The following ZNF654 variants were observed in gnomAD, a reference collection of about 807,000 sequenced individuals.
ZNF654 encodes the protein zinc finger protein 654, also known as melanoma-associated antigen.
ZNF654 carries 19 observed loss-of-function variants against 95.3 expected under a neutral mutation model. The ratio of observed to expected loss-of-function variants is 0.20; its 90% CI spans 0.14 to 0.29. ZNF654 has a LOEUF of 0.29. Among genes scored for constraint, ZNF654 ranks in the 10% least tolerant of loss-of-function variants. The pLI is 1.00. For synonymous variants in ZNF654, 413 were observed against 457.9 expected (o/e 0.90, Z 1.25); for missense variants, 1,046 against 1,341.0 (o/e 0.78, Z 3.44).
At chr3:88,086,524 A>T in intron 2 of ZNF654, 122 bp downstream of exon 2, 8 of 900,230 alleles carry the variant, frequency 8.9e-6, no homozygotes, top group Non-Finnish European at 1.2e-5. Context: ...AGAAATGTTT[A>T]TTTTTTTCAC....
chr3:88,115,500 C>T (rs1234160802), intron 3 of ZNF654, among the ~76,000 whole-genome samples: 1 of 152,138 alleles, frequency 6.6e-6, no homozygotes, highest in African/African-American at 2.4e-5. Flanking sequence ...GCAGTAGAGC[C>T]TGTCTGGTGA....
chr3:88,109,284 C>A (rs1704944454), intron 2 of ZNF654, among the ~76,000 whole-genome samples: 1 of 151,934 alleles, frequency 6.6e-6, no homozygotes, highest in African/African-American at 2.4e-5. Context: ...CAACGTTACC[C>A]ACAATCAAAT....
At chr3:88,110,804 T>C (rs1169048428) in intron 2 of ZNF654, among the ~76,000 whole-genome samples, 6 of 152,168 alleles carry the variant, frequency 3.9e-5, no homozygotes, top group Non-Finnish European at 8.8e-5. Flanking sequence ...CAGATTCTTA[T>C]AGTAATTTCA....
At chr3:88,116,622 G>A (rs1705422692) in intron 3 of ZNF654, among the ~76,000 whole-genome samples, 1 of 151,706 alleles carries the variant, frequency 6.6e-6, no homozygotes, top group African/African-American at 2.4e-5. Flanking sequence ...TTGTGTGTGT[G>A]TGTGTATATA....
At chr3:88,137,068 G>A (rs575533394) in intron 7 of ZNF654, among the ~76,000 whole-genome samples, 24 of 151,932 alleles carry the variant, frequency 1.6e-4, no homozygotes, top group Non-Finnish European at 1.6e-4. Flanking sequence ...GGTGGCTCAC[G>A]CCTGTAGTCC....
chr3:88,139,059 T>C lies in ZNF654; in HGVS notation c.1390T>C (p.Leu464=), dbSNP rs1417958517. 3.2e-6 allele frequency: 4 copies of C among 1,261,240 alleles called. No homozygotes were observed. Among genetic ancestry groups the C allele is most frequent in the Non-Finnish European group, 4.0e-6 (4 of 1,006,070 alleles). 78.1% of individuals were successfully genotyped at this position (1,261,240 alleles called of 1,614,324 possible). ...FVMIKKNCVA[L]LSDKSAVRFL... ...AATGATTAAGAAAAACTGTGTAGCA[T>C]TATTGAGTGATAAATCAGCAGTTAG... Residue 464 remains leucine (L), a synonymous_variant, in exon 8 of 9, where the codon TTA becomes CTA. Transcript: ENST00000636215.
chr3:88,101,630 T>G (rs1435836443), intron 2 of ZNF654, among the ~76,000 whole-genome samples: 1 of 152,176 alleles, frequency 6.6e-6, no homozygotes, highest in East Asian at 1.9e-4. Flanking sequence ...TTTTGGGCTA[T>G]AAACATTTCT....
chr3:88,074,810 C>G (rs1045815243), intron 1 of ZNF654, among the ~76,000 whole-genome samples: 1 of 152,124 alleles, frequency 6.6e-6, no homozygotes, highest in African/African-American at 2.4e-5. Context: ...ATCAGAAGGA[C>G]GATGGATGCA....
intron 2 of ZNF654, among the ~76,000 whole-genome samples, chr3:88,102,648 C>G (rs922408619): frequency 3.3e-5 from 5 of 152,020 alleles, no homozygotes; most frequent in African/African-American, 4.8e-5. Flanking sequence ...TAGAATAGTG[C>G]AAGAATTTGA....
At chr3:88,084,293 G>T (rs939501978) in intron 1 of ZNF654, among the ~76,000 whole-genome samples, 1 of 152,168 alleles carries the variant, frequency 6.6e-6, no homozygotes, top group Non-Finnish European at 1.5e-5. Flanking sequence ...AGATAAGGTT[G>T]CAAGTAAACA....
Position 88,139,832 on chromosome 3 carries a change from T to G in ZNF654, c.2163T>G (p.Thr721=), listed in dbSNP as rs569469594. ...EEDDYDLNQE[T]SVIHKINGTV... ...ATGATTATGACCTGAATCAAGAAAC[T>G]TCAGTAATTCATAAAATCAATGGAA... The change falls in exon 8 of 9, where the codon ACT becomes ACG. Residue 721 remains threonine, a synonymous_variant. Transcript: ENST00000636215. The G allele has an allele frequency of 3.8e-6, 6 of 1,573,980 alleles. No individual in the cohort carries two copies. The South Asian group carries it at 6.9e-5, about 18-fold the overall frequency.
chr3:88,140,199 G>T lies in ZNF654; in HGVS notation c.2530G>T (p.Ala844Ser), dbSNP rs2107894274. ...QHTKSHRIFQ[A>S]QCSFPECHEL... ...CACAAAAAGTCACAGGATATTTCAG[G>T]CTCAGTGTAGTTTTCCAGAATGCCA... Residue 844 changes from alanine to serine, a missense_variant, in exon 8 of 9, where the codon GCT becomes TCT. By Grantham distance (99) the Ala-to-Ser change is moderately conservative (BLOSUM62 1). Coordinates refer to ENST00000636215, the MANE Select transcript of ZNF654 (RefSeq NM_001350134.2). 1.2e-6 allele frequency: 2 copies of T among 1,613,806 alleles called. No homozygotes were observed. The highest frequency in any genetic ancestry group is 1.7e-4 in the Middle Eastern group (1 of 6,060).
At chr3:88,122,028 A>T (rs190961494) in intron 3 of ZNF654, among the ~76,000 whole-genome samples, 1 of 152,174 alleles carries the variant, frequency 6.6e-6, no homozygotes, top group Non-Finnish European at 1.5e-5. Flanking sequence ...GAAGATGTCA[A>T]CACTTAAGAT....
At chr3:88,081,196 G>C (rs1708057491) in intron 1 of ZNF654, among the ~76,000 whole-genome samples, 1 of 152,160 alleles carries the variant, frequency 6.6e-6, no homozygotes, top group African/African-American at 2.4e-5. Context: ...ATGGCATTGT[G>C]TCTTTCTCAA....
At chr3:88,065,355 G>A (rs901925108) in intron 1 of ZNF654, among the ~76,000 whole-genome samples, 4 of 151,940 alleles carry the variant, frequency 2.6e-5, no homozygotes, top group Admixed American at 2.6e-4. Context: ...TCATAATGAC[G>A]TTGTTTGTAA....
At chr3:88,112,253 C>T (rs1705135869) in intron 2 of ZNF654, among the ~76,000 whole-genome samples, 1 of 148,298 alleles carries the variant, frequency 6.7e-6, no homozygotes, top group African/African-American at 2.5e-5. Context: ...TAATTTTAGT[C>T]TATTAGTGAT....
At chr3:88,093,837 A>G (rs1703890191) in intron 2 of ZNF654, among the ~76,000 whole-genome samples, 1 of 152,228 alleles carries the variant, frequency 6.6e-6, no homozygotes, top group Non-Finnish European at 1.5e-5. Flanking sequence ...AAGGCTAATT[A>G]TAAAGGTACA....
At chr3:88,066,515 A>C (rs910508137) in intron 1 of ZNF654, among the ~76,000 whole-genome samples, 3 of 152,168 alleles carry the variant, frequency 2.0e-5, no homozygotes, top group African/African-American at 7.2e-5. Context: ...CGGAGTTTGC[A>C]GTCAGCTGAG....
At position 88,113,178 on chromosome 3, in the gene ZNF654, T is replaced by C; in HGVS notation, c.396T>C (p.Asp132=). 1 of 1,533,596 alleles carries C rather than the reference T, an allele frequency of 6.5e-7. No individual in the cohort carries two copies. Among genetic ancestry groups the C allele is most frequent in the Non-Finnish European group, 8.7e-7 (1 of 1,145,376 alleles). The allele number at this position is 1,533,596 out of a possible 1,614,324, so 95.0% of individuals were successfully genotyped here. The change falls in exon 3 of 9, where the codon GAT becomes GAC. Residue 132 remains aspartate (D), a synonymous_variant. Coordinates refer to ENST00000636215, the MANE Select transcript of ZNF654 (RefSeq NM_001350134.2). ...AGTTTTATGAAGAGCCCTTAAAGGA[T>C]ATTCTTGGATCATTCCAGGTAAAAA... ...RDEFYEEPLK[D]ILGSFQECQN...
Sources: gnomAD v4.1 joint callset for allele counts (sites outside exome capture counted in the v4.1 genomes callset) on GRCh38, gnomAD v4.1.1 for gene constraint, MANE v1.5 for transcripts, NCBI Gene and HGNC (gene_info 2026-07-23, HGNC 2026-07-21) for gene names.